FGF12: variants seen among roughly 807,000 people sequenced by gnomAD.
The protein encoded by FGF12 is fibroblast growth factor 12.
In FGF12, 14 loss-of-function variants were observed where a neutral mutation model predicts 23.6. The ratio of observed to expected loss-of-function variants is 0.59; its 90% CI spans 0.39 to 0.93. The LOEUF (loss-of-function observed/expected upper bound fraction) is 0.93. Among genes scored for constraint, FGF12 ranks in the 40% least tolerant of loss-of-function variants. The probability of loss-of-function intolerance (pLI) is 0.00; values close to 1 mark genes in which losing one functional copy is unlikely to be tolerated. For missense variants in FGF12, 175 were observed against 217.8 expected (o/e 0.80, Z 1.24); for synonymous variants, 62 against 77.3 (o/e 0.80, Z 1.04).
intron 2 of FGF12, among the ~76,000 whole-genome samples, chr3:192,367,338 C>T (rs1719027848): frequency 6.6e-6 from 1 of 152,140 alleles, no homozygotes; most frequent in South Asian, 2.1e-4. Flanking sequence ...TCTGTATTAA[C>T]ATTTAATGTT....
intron 2 of FGF12, among the ~76,000 whole-genome samples, chr3:192,500,372 T>C (rs753608610): frequency 2.0e-5 from 3 of 152,128 alleles, no homozygotes; most frequent in Non-Finnish European, 2.9e-5. Context: ...GTCTAGAAAA[T>C]AGAATAGGAT....
intron 2 of FGF12, among the ~76,000 whole-genome samples, chr3:192,369,761 A>C (rs1222191633): frequency 6.6e-6 from 1 of 152,222 alleles, no homozygotes; most frequent in African/African-American, 2.4e-5. Flanking sequence ...AGTAAGATGC[A>C]ATTCCTGCCT....
intron 2 of FGF12, among the ~76,000 whole-genome samples, chr3:192,646,256 G>C (rs1291150777): frequency 6.6e-6 from 1 of 152,018 alleles, no homozygotes; most frequent in African/African-American, 2.4e-5. Flanking sequence ...TGGAATGCAG[G>C]AAGTCAACGT....
At chr3:192,646,201 C>A (rs1221895907) in intron 2 of FGF12, among the ~76,000 whole-genome samples, 1 of 141,982 alleles carries the variant, frequency 7.0e-6, no homozygotes, top group Admixed American at 7.1e-5. Context: ...AAATGTATAA[C>A]TTGAGACACA....
At chr3:192,260,754 C>T (rs1387177204) in intron 4 of FGF12, among the ~76,000 whole-genome samples, 2 of 152,090 alleles carry the variant, frequency 1.3e-5, no homozygotes, top group South Asian at 2.1e-4. Flanking sequence ...TGTTATCTCT[C>T]TGCAATGGAA....
rs1416089748 is a variant in FGF12 at position 192,139,544 on chromosome 3, T to C, written c.*4465A>G. On this transcript the variant is annotated 3_prime_UTR_variant, in exon 6 of 6. Transcript: ENST00000445105. ...AATACCAATTCTAGCCATGGGAGTA[T>C]GTTTTGGACTTTTTGAACAATTTTA... 2 of 152,146 alleles carry C rather than the reference T, an allele frequency of 1.3e-5. No homozygotes were observed. Among genetic ancestry groups the C allele is most frequent in the African/African-American group, 2.4e-5 (1 of 41,452 alleles). 9.4% of individuals were successfully genotyped at this position (152,146 alleles called of 1,614,324 possible). A position where few individuals can be genotyped will look rare whatever the true frequency, so the allele number is the denominator to read the frequency against.
chr3:192,437,102 C>T (rs1304120506), intron 2 of FGF12, among the ~76,000 whole-genome samples: 5 of 151,926 alleles, frequency 3.3e-5, no homozygotes, highest in Non-Finnish European at 7.4e-5. Context: ...GCAAGAGAAG[C>T]CGGGTAGAAG....
chr3:192,651,890 G>A (rs971008544), intron 2 of FGF12, among the ~76,000 whole-genome samples: 1 of 152,318 alleles, frequency 6.6e-6, no homozygotes, highest in East Asian at 1.9e-4. Flanking sequence ...AGCTTCAATT[G>A]TCAGTCTCTA....
intron 2 of FGF12, among the ~76,000 whole-genome samples, chr3:192,462,117 G>A (rs1722883059): frequency 1.3e-5 from 2 of 151,940 alleles, no homozygotes; most frequent in Admixed American, 6.6e-5. Flanking sequence ...TAGTAATAAA[G>A]AAATGTATAT....
intron 4 of FGF12, among the ~76,000 whole-genome samples, chr3:192,226,235 C>T (rs1560199631): frequency 6.6e-6 from 1 of 152,148 alleles, no homozygotes; most frequent in African/African-American, 2.4e-5. Flanking sequence ...TTCCCCATGG[C>T]TTAGGGCATT....
At chr3:192,674,334 A>G (rs1717245573) in intron 2 of FGF12, among the ~76,000 whole-genome samples, 1 of 152,220 alleles carries the variant, frequency 6.6e-6, no homozygotes, top group South Asian at 2.1e-4. Flanking sequence ...ACATATTTAG[A>G]AACTATACAG....
intron 2 of FGF12, among the ~76,000 whole-genome samples, chr3:192,486,212 G>T (rs1238494725): frequency 6.6e-6 from 1 of 152,056 alleles, no homozygotes; most frequent in Non-Finnish European, 1.5e-5. Flanking sequence ...TTAGACACTG[G>T]AGTTATATAT....
At chr3:192,406,971 T>C (rs1576957324) in intron 2 of FGF12, among the ~76,000 whole-genome samples, 2 of 152,158 alleles carry the variant, frequency 1.3e-5, no homozygotes, top group East Asian at 1.9e-4. Flanking sequence ...TTGTCCACAA[T>C]AGGGGTAGAG....
At chr3:192,554,116 T>A (rs1302367986) in intron 2 of FGF12, among the ~76,000 whole-genome samples, 1 of 152,210 alleles carries the variant, frequency 6.6e-6, no homozygotes, top group African/African-American at 2.4e-5. Context: ...GGACCTCGAA[T>A]ACTCTATGTA....
chr3:192,307,737 T>C (rs1208322004), intron 4 of FGF12, among the ~76,000 whole-genome samples: 2 of 152,234 alleles, frequency 1.3e-5, no homozygotes, highest in Non-Finnish European at 2.9e-5. Context: ...CAAAGAGTTA[T>C]ATTTACTGCC....
At chr3:192,406,412 T>C (rs1007889002) in intron 2 of FGF12, among the ~76,000 whole-genome samples, 7 of 152,072 alleles carry the variant, frequency 4.6e-5, no homozygotes, top group African/African-American at 1.7e-4. Flanking sequence ...AAAAGTCACA[T>C]TGAGTTCAGA....
In FGF12 at chr3:192,595,039, A is replaced by G. The variant is rs186918557; in HGVS notation, c.13+132142T>C. Among the ~76,000 whole-genome samples, 44 of 152,380 alleles carry G rather than the reference A, an allele frequency of 2.9e-4. 1 individual carries two copies. In the East Asian group the frequency reaches 7.3e-3, roughly 25 times the overall value. On this transcript the variant is annotated intron_variant, in intron 2 of 5. Coordinates refer to ENST00000445105, the MANE Select transcript of FGF12 (RefSeq NM_004113.6). ...TGATTGTAAATTATTTTTGTACAATAGAATAAATAACTCCATAGGTAACAG... is the reference window on the plus strand; with the variant it reads ...TGATTGTAAATTATTTTTGTACAATGGAATAAATAACTCCATAGGTAACAG...
intron 2 of FGF12, among the ~76,000 whole-genome samples, chr3:192,393,166 C>T (rs79435764): frequency 0.013 from 1,920 of 152,288 alleles, 23 homozygotes; most frequent in Non-Finnish European, 0.02. Flanking sequence ...ACTCATCCAA[C>T]AAATATATTT....
intron 2 of FGF12, among the ~76,000 whole-genome samples, chr3:192,622,922 T>A (rs1030880097): frequency 6.6e-6 from 1 of 152,158 alleles, no homozygotes; most frequent in African/African-American, 2.4e-5. Flanking sequence ...CACAGAACAA[T>A]CTTTCTGGAT....
Sources: gnomAD v4.1 joint callset for allele counts (sites outside exome capture counted in the v4.1 genomes callset) on GRCh38, gnomAD v4.1.1 for gene constraint, MANE v1.5 for transcripts, NCBI Gene and HGNC (gene_info 2026-07-23, HGNC 2026-07-21) for gene names.